FAF1: variants seen among roughly 807,000 people sequenced by gnomAD.
FAF1 encodes the protein FAS-associated factor 1.
Under a neutral mutation model 92.5 loss-of-function variants are expected in FAF1, and 25 were observed. The ratio of observed to expected loss-of-function variants is 0.27; its 90% CI spans 0.20 to 0.38. The LOEUF (loss-of-function observed/expected upper bound fraction) is 0.38, where lower values mean the gene tolerates loss of function less well. Ranked by LOEUF, FAF1 falls within the 10% of genes least tolerant of loss-of-function variation. The pLI is 1.00. For missense variants in FAF1, 636 were observed against 793.3 expected (o/e 0.80, Z 2.38); for synonymous variants, 234 against 273.2 (o/e 0.86, Z 1.42).
chr1:50,461,920 G>A (rs906164524), intron 18 of FAF1, among the ~76,000 whole-genome samples: 2 of 147,472 alleles, frequency 1.4e-5, no homozygotes, highest in African/African-American at 2.5e-5. Context: ...GGAGGGAATG[G>A]GGTTGGGGAG....
Position 50,960,257 on chromosome 1 carries a change from C to A in FAF1, c.-446G>T. 3.0e-6 allele frequency: 1 copy of A among 331,670 alleles called. No homozygotes were observed. Among genetic ancestry groups the A allele is most frequent in the South Asian group, 1.5e-4 (1 of 6,890 alleles). The allele number at this position is 331,670 out of a possible 1,614,324, so 20.5% of individuals were successfully genotyped here. ...CCGCTTCCTCCCTGGCCGCCGCCTCCGCCCCTGGTTGGCCAGCGCCACGGC... is the reference window on the plus strand; with the variant it reads ...CCGCTTCCTCCCTGGCCGCCGCCTCAGCCCCTGGTTGGCCAGCGCCACGGC... On this transcript the variant is annotated 5_prime_UTR_variant, in exon 1 of 19. Coordinates refer to ENST00000396153, the MANE Select transcript of FAF1 (RefSeq NM_007051.3).
intron 2 of FAF1, among the ~76,000 whole-genome samples, chr1:50,842,919 C>T (rs1644267345): frequency 6.6e-6 from 1 of 152,122 alleles, no homozygotes; most frequent in African/African-American, 2.4e-5. Flanking sequence ...TCCAATAAGA[C>T]TGTGGATTTT....
At chr1:50,497,844 G>A (rs764110853) in intron 15 of FAF1, among the ~76,000 whole-genome samples, 12 of 151,846 alleles carry the variant, frequency 7.9e-5, no homozygotes, top group East Asian at 5.8e-4. Context: ...CACCGCGCCC[G>A]GGCTCAAAAC....
At chr1:50,498,016 A>G (rs1337968309) in intron 15 of FAF1, among the ~76,000 whole-genome samples, 19 of 152,224 alleles carry the variant, frequency 1.2e-4, no homozygotes, top group Admixed American at 1.1e-3. Flanking sequence ...AAAACTTACT[A>G]TAAAGCTACA....
At chr1:50,663,415 A>ATTT (rs1188471030) in intron 7 of FAF1, among the ~76,000 whole-genome samples, 2,985 of 135,872 alleles carry the variant, frequency 0.022, 191 homozygotes, top group African/African-American at 0.078. Context: ...TTTAATTTCA[A>ATTT]TTTTTTTTTT....
At chr1:50,490,740 GA>G (rs978209345) in intron 16 of FAF1, 75 bp from the exon 17 acceptor site, 3 of 941,618 alleles carry the variant, frequency 3.2e-6, no homozygotes, top group African/African-American at 1.6e-5. Flanking sequence ...TAAGGAAAGA[GA>G]AAAAAGAAAA....
intron 1 of FAF1, among the ~76,000 whole-genome samples, chr1:50,909,361 GC>G (rs1644865793): frequency 6.6e-6 from 1 of 152,158 alleles, no homozygotes; most frequent in African/African-American, 2.4e-5. Context: ...TCTTGGAGTT[GC>G]TCTTCTCGAG....
At chr1:50,855,478 G>T (rs1273255931) in intron 2 of FAF1, among the ~76,000 whole-genome samples, 1 of 151,734 alleles carries the variant, frequency 6.6e-6, no homozygotes, top group Non-Finnish European at 1.5e-5. Context: ...CATATCCGAG[G>T]TTACAACTCA....
chr1:50,850,602 A>T (rs1644340225), intron 2 of FAF1, among the ~76,000 whole-genome samples: 2 of 152,094 alleles, frequency 1.3e-5, no homozygotes, highest in South Asian at 4.1e-4. Context: ...ATAAAATATT[A>T]AAAAATAACT....
At chr1:50,564,373 C>T (rs1174775121) in intron 13 of FAF1, among the ~76,000 whole-genome samples, 11 of 152,056 alleles carry the variant, frequency 7.2e-5, no homozygotes, top group Admixed American at 7.2e-4. Flanking sequence ...AAACTTACAT[C>T]TATCATAAAG....
At chr1:50,455,210 G>T (rs1317953798) in intron 18 of FAF1, among the ~76,000 whole-genome samples, 1 of 152,148 alleles carries the variant, frequency 6.6e-6, no homozygotes, top group Non-Finnish European at 1.5e-5. Context: ...CTTTCAGAGG[G>T]GACAGAATTT....
intron 8 of FAF1, among the ~76,000 whole-genome samples, chr1:50,651,118 A>C (rs1654844504): frequency 6.6e-6 from 1 of 152,216 alleles, no homozygotes; most frequent in African/African-American, 2.4e-5. Context: ...CAAGATTATA[A>C]AAGAATTGAT....
At chr1:50,702,612 T>C (rs768794606) in intron 7 of FAF1, among the ~76,000 whole-genome samples, 33 of 152,048 alleles carry the variant, frequency 2.2e-4, no homozygotes, top group Non-Finnish European at 4.0e-4. Context: ...ATAATGTAAC[T>C]GGAAGGATTT....
rs1646145161 is a variant in FAF1, at chr1:50,438,491, T to C, written c.*2949A>G. 6.6e-6 allele frequency: 1 copy of C among 152,230 alleles called. No individual in the cohort carries two copies. Among genetic ancestry groups the C allele is most frequent in the African/African-American group, 2.4e-5 (1 of 41,460 alleles). 9.4% of individuals were successfully genotyped at this position (152,230 alleles called of 1,614,324 possible). On this transcript the variant is annotated 3_prime_UTR_variant, in exon 19 of 19. Coordinates refer to ENST00000396153, the MANE Select transcript of FAF1 (RefSeq NM_007051.3). ...CAGACTATAATGTGCAATGCCTATATGAGTTACTCCTGGACTGAACTAAAG... is the reference window on the plus strand; with the variant it reads ...CAGACTATAATGTGCAATGCCTATACGAGTTACTCCTGGACTGAACTAAAG...
At chr1:50,958,009 G>A (rs565589434) in intron 1 of FAF1, among the ~76,000 whole-genome samples, 2 of 152,262 alleles carry the variant, frequency 1.3e-5, no homozygotes, top group East Asian at 3.9e-4. Flanking sequence ...GAAAAACTTA[G>A]GCAGGGCTGG....
At chr1:50,836,370 G>A (rs1644205399) in intron 2 of FAF1, among the ~76,000 whole-genome samples, 1 of 151,602 alleles carries the variant, frequency 6.6e-6, no homozygotes, top group Non-Finnish European at 1.5e-5. Flanking sequence ...CTAAAATCAT[G>A]GAGTAGCATT....
intron 18 of FAF1, among the ~76,000 whole-genome samples, chr1:50,458,959 C>T (rs898772580): frequency 3.3e-5 from 5 of 151,430 alleles, no homozygotes; most frequent in African/African-American, 1.2e-4. Context: ...GTCTCCCCTG[C>T]CCTGCCCTTT....
intron 8 of FAF1, among the ~76,000 whole-genome samples, chr1:50,635,309 T>C (rs1415840072): frequency 6.6e-6 from 1 of 152,244 alleles, no homozygotes; most frequent in Non-Finnish European, 1.5e-5. Context: ...TTCAGTTTAA[T>C]CACATGAAGA....
At chr1:50,611,463 G>A (rs936135952) in intron 8 of FAF1, among the ~76,000 whole-genome samples, 3 of 152,162 alleles carry the variant, frequency 2.0e-5, no homozygotes, top group African/African-American at 7.2e-5. Flanking sequence ...TAGGATAGTT[G>A]GAGGTAGTTA....
Sources: allele counts gnomAD v4.1 joint callset (sites outside exome capture counted in the v4.1 genomes callset), GRCh38; gene constraint gnomAD v4.1.1; transcripts MANE v1.5; gene names NCBI Gene and HGNC (gene_info 2026-07-23, HGNC 2026-07-21).